ZNG1B: variants seen among roughly 807,000 people sequenced by gnomAD.
The protein encoded by ZNG1B is Zn regulated GTPase metalloprotein activator 1B, also known as zinc-regulated GTPase metalloprotein activator 1B.
At chr2:113,459,980 ATTT>A in the ZNG1B span, among the ~76,000 whole-genome samples, 2 of 145,422 alleles carry the variant, frequency 1.4e-5, no homozygotes, top group African/African-American at 5.1e-5. Flanking sequence ...GTGTCAAAAT[ATTT>A]TTTGGAGTTA....
chr2:113,474,172 A>G, the ZNG1B span, among the ~76,000 whole-genome samples: 4 of 151,994 alleles, frequency 2.6e-5, no homozygotes, highest in African/African-American at 9.7e-5. Flanking sequence ...AGATCCTGTT[A>G]TTGGTCTATT....
the ZNG1B span, among the ~76,000 whole-genome samples, chr2:113,477,250 C>T: frequency 3.3e-5 from 5 of 152,300 alleles, no homozygotes; most frequent in African/African-American, 7.2e-5. Context: ...GTCGGAAAAG[C>T]GCAGTATTCG....
chr2:113,495,401 T>C, the ZNG1B span: 1 of 816,766 alleles, frequency 1.2e-6, no homozygotes, highest in East Asian at 3.8e-5. Context: ...CGTTACAACG[T>C]TCGTAAAAGC....
At chr2:113,469,951 C>T in the ZNG1B span, 1 of 151,124 alleles carries the variant, frequency 6.6e-6, no homozygotes, top group Non-Finnish European at 1.5e-5. Context: ...TATTTCTTCA[C>T]CTCAGCTTTG....
the ZNG1B span, among the ~76,000 whole-genome samples, chr2:113,483,747 T>A: frequency 6.6e-6 from 1 of 151,764 alleles, no homozygotes; most frequent in East Asian, 1.9e-4. Flanking sequence ...AAAAAACAAA[T>A]GTATTTTAAT....
At chr2:113,450,045 C>T in the ZNG1B span, among the ~76,000 whole-genome samples, 1 of 150,762 alleles carries the variant, frequency 6.6e-6, no homozygotes, top group South Asian at 2.1e-4. Context: ...GATTTTTCTC[C>T]CTACCTCCTT....
chr2:113,490,694 A>G, the ZNG1B span, among the ~76,000 whole-genome samples: 7 of 152,182 alleles, frequency 4.6e-5, no homozygotes, highest in Non-Finnish European at 1.0e-4. Context: ...CAAGGCTACT[A>G]TGAACACCTT....
At chr2:113,462,865 T>C in the ZNG1B span, 1 of 354,078 alleles carries the variant, frequency 2.8e-6, no homozygotes, top group Admixed American at 4.4e-5. Flanking sequence ...CATAATGTAT[T>C]CTCACTCTGC....
the ZNG1B span, among the ~76,000 whole-genome samples, chr2:113,442,478 T>C: frequency 6.6e-6 from 1 of 152,240 alleles, no homozygotes; most frequent in African/African-American, 2.4e-5. Flanking sequence ...GCCAGTTATA[T>C]TCGATTTCTG....
chr2:113,471,639 C>T, the ZNG1B span, among the ~76,000 whole-genome samples: 1 of 145,764 alleles, frequency 6.9e-6, no homozygotes, highest in East Asian at 2.1e-4. Flanking sequence ...CCCCTCCCCC[C>T]AACCCACAAC....
chr2:113,482,004 A>C, the ZNG1B span: 2 of 939,254 alleles, frequency 2.1e-6, no homozygotes, highest in East Asian at 2.6e-5. Context: ...AAAAAAACTT[A>C]ATCTGCCAGC....
At chr2:113,440,874 A>G in the ZNG1B span, among the ~76,000 whole-genome samples, 1 of 143,688 alleles carries the variant, frequency 7.0e-6, no homozygotes, top group Admixed American at 7.1e-5. Context: ...TGGGTTTTAT[A>G]TGCCACCTGC....
chr2:113,440,530 A>G, the ZNG1B span, among the ~76,000 whole-genome samples: 119 of 152,272 alleles, frequency 7.8e-4, no homozygotes, highest in Non-Finnish European at 1.3e-3. Flanking sequence ...AGTACTCTAA[A>G]TATAAGCCTT....
At chr2:113,454,380 C>T in the ZNG1B span, among the ~76,000 whole-genome samples, 1 of 151,506 alleles carries the variant, frequency 6.6e-6, no homozygotes, top group Non-Finnish European at 1.5e-5. Flanking sequence ...CTAGAAATAA[C>T]CTGTCTTATG....
the ZNG1B span, among the ~76,000 whole-genome samples, chr2:113,446,743 TACACAC>T: frequency 2.6e-4 from 37 of 141,754 alleles, no homozygotes; most frequent in African/African-American, 7.9e-4. Flanking sequence ...CAAGACTGTA[TACACAC>T]ACACACACAC....
chr2:113,461,027 T>TTATA, the ZNG1B span, among the ~76,000 whole-genome samples: 722 of 144,344 alleles, frequency 5.0e-3, 6 homozygotes, highest in African/African-American at 0.013. Context: ...ATTGAAGATT[T>TTATA]TATATATATA....
chr2:113,463,331 G>C, the ZNG1B span, among the ~76,000 whole-genome samples: 1 of 152,036 alleles, frequency 6.6e-6, no homozygotes, highest in Non-Finnish European at 1.5e-5. Flanking sequence ...ACAATGCTTT[G>C]AGCGTGATGG....
the ZNG1B span, chr2:113,456,982 C>T: frequency 2.2e-6 from 1 of 454,300 alleles, no homozygotes; most frequent in Admixed American, 2.3e-5. Flanking sequence ...CAAATTGAAA[C>T]TGAAGTGGTA....
At chr2:113,453,307 C>A in the ZNG1B span, 1 of 1,523,072 alleles carries the variant, frequency 6.6e-7, no homozygotes, top group Non-Finnish European at 8.9e-7. Context: ...GCATGGAGTG[C>A]AGTGGCATGA....
Sources: gnomAD v4.1 joint callset for allele counts (sites outside exome capture counted in the v4.1 genomes callset) on GRCh38, gnomAD v4.1.1 for gene constraint, MANE v1.5 for transcripts, NCBI Gene and HGNC (gene_info 2026-07-23, HGNC 2026-07-21) for gene names.